The following CNGB1 variants were observed in gnomAD, a reference collection of about 807,000 sequenced individuals.
The protein encoded by CNGB1 is cyclic nucleotide gated channel subunit beta 1, also known as cyclic nucleotide-gated channel beta-1.
CNGB1 carries 126 observed loss-of-function variants against 151.7 expected under a neutral mutation model. That is an observed-to-expected ratio of 0.83 (90% CI 0.72 to 0.96). CNGB1 has a LOEUF of 0.96. Ranked by LOEUF, CNGB1 falls within the 40% of genes least tolerant of loss-of-function variation. The probability of loss-of-function intolerance (pLI) is 0.00; values close to 1 mark genes in which losing one functional copy is unlikely to be tolerated. For missense variants in CNGB1, 1,698 were observed against 1,627.0 expected, an observed-to-expected ratio of 1.04 and a Z score of -0.75; for synonymous variants, 623 against 635.1, an observed-to-expected ratio of 0.98 and a Z score of 0.29.
At chr16:57,929,628 T>A (rs1232328576) in intron 17 of CNGB1, among the ~76,000 whole-genome samples, 1 of 152,154 alleles carries the variant, frequency 6.6e-6, no homozygotes, top group African/African-American at 2.4e-5. Context: ...CATCTTCCCA[T>A]GACAGAGCAG....
At position 57,959,974 on chromosome 16, in the gene CNGB1, C is replaced by T. The variant is rs1454932579; in HGVS notation, c.675G>A (p.Glu225=). Residue 225 remains glutamate, a synonymous_variant, in exon 10 of 33, where the codon GAG becomes GAA. Coordinates refer to ENST00000251102, the MANE Select transcript of CNGB1 (RefSeq NM_001297.5). ...CTGGAGCTGGTGCCTCCTTGGGTTC[C>T]TCCTTGGGCTGCAGGGGGATGGGTG... The part of the protein sequence containing the change: ...LPTPIPLQPK[E]EPKEAPAPEP... 2 of 1,590,776 alleles carry T rather than the reference C, an allele frequency of 1.3e-6. No homozygotes were observed. Among genetic ancestry groups the T allele is most frequent in the Non-Finnish European group, 1.7e-6 (2 of 1,168,330 alleles).
chr16:57,969,043 C>T (rs934637126), intron 1 of CNGB1, among the ~76,000 whole-genome samples: 14 of 150,858 alleles, frequency 9.3e-5, no homozygotes, highest in East Asian at 3.9e-4. Flanking sequence ...TGGTAGCTCA[C>T]GCCTGTAATC....
Position 57,911,816 on chromosome 16 carries a change from T to A in CNGB1, c.2429A>T (p.Tyr810Phe). The A allele has an allele frequency of 3.7e-6, 6 of 1,614,006 alleles. No individual in the cohort carries two copies. Among genetic ancestry groups the A allele is most frequent in the Non-Finnish European group, 5.1e-6 (6 of 1,179,946 alleles). Reference sequence around the variant, plus strand: ...GAGGCCCTGATAGGCCGATGCCCAGTAATAAAGACAGGAATTCAAATGCAG... The same window carrying A: ...GAGGCCCTGATAGGCCGATGCCCAGAAATAAAGACAGGAATTCAAATGCAG... ...YSLHLNSCLY[Y>F]WASAYQGLGS... The change falls in exon 25 of 33, where the codon TAC (tyrosine) becomes TTC (phenylalanine). Residue 810 changes from tyrosine (Y) to phenylalanine (F), a missense_variant. By Grantham distance (22) the Tyr-to-Phe change is conservative. Transcript: ENST00000251102.
intron 25 of CNGB1, among the ~76,000 whole-genome samples, chr16:57,907,912 G>A (rs1451643768): frequency 6.6e-6 from 1 of 152,076 alleles, no homozygotes; most frequent in Non-Finnish European, 1.5e-5. Flanking sequence ...CATCTCTTTC[G>A]AGACAAGGTC....
chr16:57,960,680 A>G, intron 8 of CNGB1, 150 bp from the exon 9 acceptor site: 1 of 1,284,256 alleles, frequency 7.8e-7, no homozygotes, highest in South Asian at 1.3e-5. Flanking sequence ...GCCCCCTCTC[A>G]CAGTCACTCC....
At chr16:57,902,729 G>C (rs1960424931) in intron 27 of CNGB1, among the ~76,000 whole-genome samples, 1 of 152,012 alleles carries the variant, frequency 6.6e-6, no homozygotes, top group African/African-American at 2.4e-5. Flanking sequence ...TCCAGCCTCA[G>C]CCTCCTGAGT....
chr16:57,913,068 G>T lies in CNGB1; in HGVS notation c.2305-74C>A, dbSNP rs117104271. 4 of 1,419,708 alleles carry T rather than the reference G, an allele frequency of 2.8e-6. 1 individual carries two copies. The South Asian group carries it at 4.6e-5, about 16-fold the overall frequency. The allele number at this position is 1,419,708 out of a possible 1,614,324, so 87.9% of individuals were successfully genotyped here. On this transcript the variant is annotated intron_variant, in intron 23 of 32. Transcript: ENST00000251102. ...TGCTGCTCCCACGCCCACGGGCGCC[G>T]AGACTCAGGGCTCTTCCTGCAGCCC...
chr16:57,920,447 T>C lies in CNGB1; in HGVS notation c.1741A>G (p.Lys581Glu), dbSNP rs1960999459. 3 of 1,614,170 alleles carry C rather than the reference T, an allele frequency of 1.9e-6. No homozygotes were observed. The highest frequency in any genetic ancestry group is 2.5e-6 in the Non-Finnish European group (3 of 1,180,022). Residue 581 changes from lysine (K) to glutamate (E), a missense_variant, in exon 19 of 33, where the codon AAA (lysine) becomes GAA (glutamate). Lys to Glu is a moderately conservative substitution (Grantham distance 56). Coordinates refer to ENST00000251102, the MANE Select transcript of CNGB1 (RefSeq NM_001297.5). ...GGGTCAATGAGTTTCTCCTTCACTT[T>C]CTCTGTCCGCTCCTTGAAGAGCTTC... is the stretch of plus-strand genomic sequence containing the variant. ...LVKLFKERTE[K>E]VKEKLIDPDV...
At chr16:57,905,016 C>T in intron 25 of CNGB1, 141 bp from the exon 26 acceptor site, 1 of 1,012,468 alleles carries the variant, frequency 9.9e-7, no homozygotes. Context: ...CAAGGAAAAC[C>T]ACCTCCTGCA....
At chr16:57,964,228 G>T in intron 3 of CNGB1, 26 bp from the exon 4 acceptor site, 1 of 1,610,438 alleles carries the variant, frequency 6.2e-7, no homozygotes, top group Non-Finnish European at 8.5e-7. Flanking sequence ...TCATCCTTCA[G>T]ATCTAGGGCC....
intron 18 of CNGB1, among the ~76,000 whole-genome samples, chr16:57,922,427 C>CTTTTTTT (rs202188548): frequency 1.2e-4 from 17 of 142,064 alleles, no homozygotes; most frequent in African/African-American, 4.9e-4. Context: ...TTCTTTCTTT[C>CTTTTTTT]TTTCTTTTTT....
chr16:57,896,104 G>A (rs756458072), intron 31 of CNGB1, among the ~76,000 whole-genome samples: 21 of 152,086 alleles, frequency 1.4e-4, no homozygotes, highest in Non-Finnish European at 2.6e-4. Flanking sequence ...ATCATAGGGA[G>A]GAACCATCAA....
chr16:57,884,163 C>G lies in CNGB1; in HGVS notation c.*1G>C, dbSNP rs538760668. On this transcript the variant is annotated 3_prime_UTR_variant, in exon 33 of 33. Coordinates refer to ENST00000251102, the MANE Select transcript of CNGB1 (RefSeq NM_001297.5). Reference sequence around the variant, plus strand: ...GCGCGCGGGATCCGCCTCACCCCACCTTACTCCGCCTTCTCCTCCCTTTCC... The same window carrying G: ...GCGCGCGGGATCCGCCTCACCCCACGTTACTCCGCCTTCTCCTCCCTTTCC... 3.0e-5 allele frequency: 49 copies of G among 1,614,028 alleles called. No individual in the cohort carries two copies. The Middle Eastern group carries it at 9.9e-4, about 33-fold the overall frequency.
rs930509681 is a variant in CNGB1 at position 57,884,235 on chromosome 16, G to A, written c.3685C>T (p.Pro1229Ser). The A allele has an allele frequency of 1.2e-6, 2 of 1,613,804 alleles. No individual in the cohort carries two copies. The highest frequency in any genetic ancestry group is 1.7e-5 in the Admixed American group (1 of 60,012). ...ATCTGCTCTCCCGGCTCCGGGCCCG[G>A]GCTCATGCAGATCCTCACCGAGTGC... ...EEHSVRICMS[P>S]GPEPGEQILS... The change falls in exon 33 of 33, where the codon CCG becomes TCG. Residue 1229 changes from proline (P) to serine (S), a missense_variant. Physicochemically the swap from Pro to Ser is moderately conservative, Grantham distance 74. Coordinates refer to ENST00000251102, the MANE Select transcript of CNGB1 (RefSeq NM_001297.5).
intron 16 of CNGB1, among the ~76,000 whole-genome samples, chr16:57,938,991 A>T (rs2149375707): frequency 6.6e-6 from 1 of 152,276 alleles, no homozygotes; most frequent in South Asian, 2.1e-4. Flanking sequence ...TCCAGTTTTC[A>T]CTCAGCTATG....
chr16:57,932,882 A>C (rs571185936), intron 16 of CNGB1, among the ~76,000 whole-genome samples: 156 of 150,606 alleles, frequency 1.0e-3, no homozygotes, highest in Non-Finnish European at 7.8e-4. Flanking sequence ...CACCCAGCCA[A>C]GTCCTCACAT....
chr16:57,933,144 T>G (rs1489413017), intron 16 of CNGB1, among the ~76,000 whole-genome samples: 1 of 151,804 alleles, frequency 6.6e-6, no homozygotes, highest in Non-Finnish European at 1.5e-5. Flanking sequence ...CCCAGGCTGG[T>G]CTCGAACTCC....
intron 19 of CNGB1, 95 bp from the exon 20 acceptor site, chr16:57,919,349 T>A (rs1960966371): frequency 6.2e-7 from 1 of 1,606,504 alleles, no homozygotes; most frequent in African/African-American, 1.3e-5. Context: ...TGGATCCAGA[T>A]CTGAGAGGAC....
chr16:57,924,642 C>G (rs933546312), intron 17 of CNGB1, among the ~76,000 whole-genome samples: 17 of 152,144 alleles, frequency 1.1e-4, no homozygotes, highest in Non-Finnish European at 2.1e-4. Flanking sequence ...TAGGACTTGA[C>G]GTGGTTTTGG....
Sources: allele counts gnomAD v4.1 joint callset (sites outside exome capture counted in the v4.1 genomes callset), GRCh38; gene constraint gnomAD v4.1.1; transcripts MANE v1.5; gene names NCBI Gene and HGNC (gene_info 2026-07-23, HGNC 2026-07-21).